Variants in ADAMTS9 observed in about 807,000 individuals in gnomAD.
The protein encoded by ADAMTS9 is ADAM metallopeptidase with thrombospondin type 1 motif 9.
ADAMTS9 carries 107 observed loss-of-function variants against 257.1 expected under a neutral mutation model. The observed-to-expected ratio is 0.42, with a 90% CI of 0.36 to 0.49. The LOEUF is 0.49. Ranked by LOEUF, ADAMTS9 falls within the 20% of genes least tolerant of loss-of-function variation. The pLI is 0.03. For missense variants in ADAMTS9, 2,353 were observed against 2,469.1 expected (o/e 0.95, Z 1.00); for synonymous variants, 982 against 880.9 (o/e 1.11, Z -2.03).
intron 33 of ADAMTS9, 94 bp from the exon 34 acceptor site, chr3:64,541,714 T>A (rs964941232): frequency 6.4e-7 from 1 of 1,561,926 alleles, no homozygotes; most frequent in South Asian, 1.1e-5. Context: ...ACTAAAACTT[T>A]TTAGCAAAGC....
chr3:64,621,800 A>G (rs201266872), intron 18 of ADAMTS9, among the ~76,000 whole-genome samples: 2 of 149,864 alleles, frequency 1.3e-5, no homozygotes, highest in African/African-American at 5.0e-5. Flanking sequence ...AAATAAAAAG[A>G]AAAGAAAAAG....
At chr3:64,561,801 G>T (rs35667547) in intron 29 of ADAMTS9, 50 bp from the exon 30 acceptor site, 16 of 923,508 alleles carry the variant, frequency 1.7e-5, no homozygotes, top group Middle Eastern at 2.4e-4. Flanking sequence ...TTATTTTTTG[G>T]GGGGGCGGGG....
intron 16 of ADAMTS9, among the ~76,000 whole-genome samples, chr3:64,626,387 G>C (rs143353361): frequency 6.6e-6 from 1 of 152,242 alleles, no homozygotes; most frequent in South Asian, 2.1e-4. Context: ...TCATGCATTC[G>C]TTCTCTTGTA....
At chr3:64,642,816 G>A (rs575377443) in intron 11 of ADAMTS9, among the ~76,000 whole-genome samples, 1 of 152,150 alleles carries the variant, frequency 6.6e-6, no homozygotes, top group Non-Finnish European at 1.5e-5. Flanking sequence ...GGAGCTGGTG[G>A]CGACTGTCGT....
chr3:64,613,674 T>G (rs903192082), intron 21 of ADAMTS9, among the ~76,000 whole-genome samples, 165 bp from the exon 22 acceptor site: 1 of 152,230 alleles, frequency 6.6e-6, no homozygotes, highest in Non-Finnish European at 1.5e-5. Context: ...CTTTTGTTCG[T>G]TCATTTATTC....
At chr3:64,527,761 A>T (rs765569568) in intron 38 of ADAMTS9, among the ~76,000 whole-genome samples, 64 of 152,202 alleles carry the variant, frequency 4.2e-4, no homozygotes, top group Non-Finnish European at 8.5e-4. Context: ...GACTACCTAA[A>T]ATGTAAATGT....
chr3:64,568,266 C>T (rs189433091), intron 29 of ADAMTS9, 102 bp downstream of exon 29: 148 of 1,340,716 alleles, frequency 1.1e-4, no homozygotes, highest in Admixed American at 7.1e-4. Context: ...GAGCTCCCCT[C>T]GGTAAAACCA....
intron 4 of ADAMTS9, among the ~76,000 whole-genome samples, chr3:64,657,312 G>A (rs1701100033): frequency 6.6e-6 from 1 of 151,970 alleles, no homozygotes. Flanking sequence ...AAAACATATT[G>A]CTAAAATTAA....
chr3:64,653,327 T>A (rs1700978943), intron 8 of ADAMTS9, among the ~76,000 whole-genome samples: 1 of 152,216 alleles, frequency 6.6e-6, no homozygotes, highest in South Asian at 2.1e-4. Flanking sequence ...CTGCCACAAA[T>A]GCTTAATGGA....
intron 16 of ADAMTS9, among the ~76,000 whole-genome samples, 185 bp downstream of exon 16, chr3:64,631,270 A>T (rs949612748): frequency 3.9e-5 from 6 of 152,230 alleles, no homozygotes; most frequent in African/African-American, 1.4e-4. Flanking sequence ...ACAACTTTTC[A>T]ATCAATACTC....
chr3:64,538,782 G>A (rs1482514804), intron 37 of ADAMTS9, among the ~76,000 whole-genome samples: 1 of 151,998 alleles, frequency 6.6e-6, no homozygotes, highest in Non-Finnish European at 1.5e-5. Flanking sequence ...CAATTATAGG[G>A]AGAATATTTA....
intron 3 of ADAMTS9, among the ~76,000 whole-genome samples, chr3:64,659,409 CG>C (rs1443294830): frequency 1.4e-5 from 2 of 146,740 alleles, no homozygotes; most frequent in Non-Finnish European, 3.0e-5. Context: ...CAGAGCCTGA[CG>C]TGAGTTTAGA....
chr3:64,602,015 G>A lies in ADAMTS9; in HGVS notation c.3946C>T (p.Pro1316Ser), dbSNP rs146286662. The A allele has an allele frequency of 6.2e-7, 1 of 1,614,032 alleles. No individual in the cohort carries two copies. Among genetic ancestry groups the A allele is most frequent in the Non-Finnish European group, 8.5e-7 (1 of 1,179,982 alleles). ...GTGCGGCTGGGGCTGGCGCTCCGGG[G>A]ACGATAGTCCTCATTTTGGAAGGGG... is the stretch of plus-strand genomic sequence containing the variant. ...QHPFQNEDYR[P>S]RSASPSRTHV... Residue 1316 changes from proline (P) to serine (S), a missense_variant, in exon 26 of 40, where the codon CCC becomes TCC. Physicochemically the swap from Pro to Ser is moderately conservative, Grantham distance 74. Around this residue, in one of 3 missense-constraint regions of ADAMTS9, gnomAD observed 1,402 missense variants for 1,441.4 expected, o/e 0.97. Transcript: ENST00000498707.
intron 38 of ADAMTS9, among the ~76,000 whole-genome samples, chr3:64,530,615 C>T (rs1026025900): frequency 1.3e-5 from 2 of 151,464 alleles, no homozygotes; most frequent in African/African-American, 4.9e-5. Context: ...TCTTGGGGAA[C>T]AGCCAGTGTA....
rs773246242 is a variant in ADAMTS9, at chr3:64,639,034, C to T, written c.1856+2814G>A. On this transcript the variant is annotated intron_variant, in intron 12 of 39. Coordinates refer to ENST00000498707, the MANE Select transcript of ADAMTS9 (RefSeq NM_182920.2). Reference sequence around the variant, plus strand: ...CCCTCAAACTCCTTGAGAAGCATGACAGCAACCACTTCTACGTTCTACATA... The same window carrying T: ...CCCTCAAACTCCTTGAGAAGCATGATAGCAACCACTTCTACGTTCTACATA... Among the ~76,000 whole-genome samples, 3 of 152,242 alleles carry T rather than the reference C, an allele frequency of 2.0e-5. No homozygotes were observed. In the South Asian group the frequency reaches 6.2e-4, roughly 32 times the overall value.
chr3:64,607,381 C>T (rs1039492651), intron 22 of ADAMTS9, among the ~76,000 whole-genome samples: 1 of 152,210 alleles, frequency 6.6e-6, no homozygotes, highest in Non-Finnish European at 1.5e-5. Flanking sequence ...ATCTTTCACA[C>T]TACCTAGCAG....
At position 64,681,271 on chromosome 3, in the gene ADAMTS9, G is replaced by A. The variant is rs1057221870; in HGVS notation, c.609C>T (p.Pro203=). ...GGGCGCTGCGCCTATAAATGATGTG[G>A]GGTTTGTTTTGTTCCTCTTCATCTT... The part of the protein sequence containing the change: ...EQEDEEEQNK[P]HIIYRRSAPQ... The change falls in exon 3 of 40, where the codon CCC becomes CCT. Residue 203 remains proline, a synonymous_variant. Transcript: ENST00000498707. 6.2e-7 allele frequency: 1 copy of A among 1,614,028 alleles called. No individual in the cohort carries two copies. The highest frequency in any genetic ancestry group is 1.1e-5 in the South Asian group (1 of 91,072).
intron 14 of ADAMTS9, among the ~76,000 whole-genome samples, chr3:64,633,033 G>C (rs981805372): frequency 6.6e-6 from 1 of 152,134 alleles, no homozygotes; most frequent in Non-Finnish European, 1.5e-5. Context: ...AGGTAAAAAT[G>C]ATCGTGGTTA....
chr3:64,576,964 G>C (rs539790518), intron 28 of ADAMTS9, among the ~76,000 whole-genome samples: 1 of 152,132 alleles, frequency 6.6e-6, no homozygotes, highest in Non-Finnish European at 1.5e-5. Context: ...GGAATATGGG[G>C]GACAGGGCGC....
Sources: allele counts gnomAD v4.1 joint callset (sites outside exome capture counted in the v4.1 genomes callset), GRCh38; gene constraint gnomAD v4.1.1; regional missense constraint gnomAD v4.1.1; transcripts MANE v1.5; gene names NCBI Gene and HGNC (gene_info 2026-07-23, HGNC 2026-07-21).